Variants in PPM1J observed in about 807,000 individuals in gnomAD.
PPM1J encodes the protein protein phosphatase 1J.
A neutral mutation model predicts 53.3 loss-of-function variants in PPM1J; 43 were observed. That is an observed-to-expected ratio of 0.81 (90% CI 0.63 to 1.04). PPM1J has a LOEUF of 1.04. Ranked by LOEUF, PPM1J falls within the 50% of genes least tolerant of loss-of-function variation. The pLI is 0.00. For missense variants in PPM1J, 635 were observed against 685.9 expected (o/e 0.93, Z 0.83); for synonymous variants, 267 against 286.4 (o/e 0.93, Z 0.68).
chr1:112,714,997 G>A lies in PPM1J; in HGVS notation c.305C>T (p.Pro102Leu), dbSNP rs760958860. 4 of 1,454,678 alleles carry A rather than the reference G, an allele frequency of 2.7e-6. No individual in the cohort carries two copies. The highest frequency in any genetic ancestry group is 3.6e-6 in the Non-Finnish European group (4 of 1,110,440). 90.1% of individuals were successfully genotyped at this position (1,454,678 alleles called of 1,614,324 possible). Residue 102 changes from proline to leucine, a missense_variant, in exon 1 of 10, where the codon CCC becomes CTC. Transcript: ENST00000309276. Reference protein sequence around the residue: ...QSPPDTGRRLPWSTGYAEVIN... With the variant: ...QSPPDTGRRLLWSTGYAEVIN... Reference sequence around the variant, plus strand: ...TCACTCGGCGTAGCCTGTGCTCCAGGGCAGGCGGCGGCCCGTGTCCGGGGG... The same window carrying A: ...TCACTCGGCGTAGCCTGTGCTCCAGAGCAGGCGGCGGCCCGTGTCCGGGGG...
intron 1 of PPM1J, chr1:112,714,718 G>A: frequency 1.6e-6 from 2 of 1,245,534 alleles, no homozygotes; most frequent in East Asian, 3.2e-5. Flanking sequence ...CTCTGGGGCA[G>A]AACAGGGTCC....
chr1:112,710,270 C>G lies in PPM1J; in HGVS notation c.1411G>C (p.Gly471Arg). Residue 471 changes from glycine (G) to arginine (R), a missense_variant, in exon 10 of 10, where the codon GGT (glycine) becomes CGT (arginine). Coordinates refer to ENST00000309276, the MANE Select transcript of PPM1J (RefSeq NM_005167.7). The stretch of plus-strand genomic sequence containing the variant: ...CGCCAGCCACGGTCTCGGGGGGTAC[C>G]CCGGGCCCCCAGGACCAGAGCTTGG... Reference protein sequence around the residue: ...LAQALVLGARGTPRDRGWRLP... With the variant: ...LAQALVLGARRTPRDRGWRLP... 1 of 1,605,776 alleles carries G rather than the reference C, an allele frequency of 6.2e-7. No homozygotes were observed. Among genetic ancestry groups the G allele is most frequent in the Non-Finnish European group, 8.5e-7 (1 of 1,177,974 alleles).
chr1:112,712,494 A>G, intron 3 of PPM1J, 37 bp from the exon 4 acceptor site: 1 of 1,570,208 alleles, frequency 6.4e-7, no homozygotes. Flanking sequence ...GGGTAGAAGG[A>G]GAGGTTCCAG....
At position 112,710,246 on chromosome 1, in the gene PPM1J, G is replaced by T. The variant is rs148123745; in HGVS notation, c.1435C>A (p.Arg479Ser). 6.3e-7 allele frequency: 1 copy of T among 1,594,130 alleles called. No individual in the cohort carries two copies. The highest frequency in any genetic ancestry group is 8.5e-7 in the Non-Finnish European group (1 of 1,175,016). The change falls in exon 10 of 10, where the codon CGT becomes AGT. Residue 479 changes from arginine to serine, a missense_variant. Coordinates refer to ENST00000309276, the MANE Select transcript of PPM1J (RefSeq NM_005167.7). The part of the protein sequence containing the change: ...ARGTPRDRGW[R>S]LPNNKLGSGD... ...GAACCCAGCTTGTTGTTGGGGAGAC[G>T]CCAGCCACGGTCTCGGGGGGTACCC...
Position 112,715,280 on chromosome 1 carries a change from C to T in PPM1J, c.22G>A (p.Ala8Thr). Residue 8 changes from alanine to threonine, a missense_variant, in exon 1 of 10, where the codon GCC (alanine) becomes ACC (threonine). By Grantham distance (58) the Ala-to-Thr change is moderately conservative (BLOSUM62 0). Transcript: ENST00000309276. The surrounding 1 kb of genome is among the most constrained non-coding windows in gnomAD (Gnocchi z 4.4). Reference sequence around the variant, plus strand: ...CCGGAGCTCACCAGGTGCGCCACGGCCGAGCGCACCCGGTTTAGCATGCTG... The same window carrying T: ...CCGGAGCTCACCAGGTGCGCCACGGTCGAGCGCACCCGGTTTAGCATGCTG... MLNRVRS[A>T]VAHLVSSGGA... is the part of the protein sequence containing the mutation. 1.5e-6 allele frequency: 2 copies of T among 1,316,108 alleles called. No homozygotes were observed. The highest frequency in any genetic ancestry group is 1.9e-6 in the Non-Finnish European group (2 of 1,036,318). 81.5% of individuals were successfully genotyped at this position (1,316,108 alleles called of 1,614,324 possible).
Position 112,715,247 on chromosome 1 carries a change from G to C in PPM1J, c.55C>G (p.Pro19Ala), listed in dbSNP as rs757231106. The change falls in exon 1 of 10, where the codon CCG (proline) becomes GCG (alanine). Residue 19 changes from proline to alanine, a missense_variant. Transcript: ENST00000309276. This position sits in a 1 kb window ranked among gnomAD's most constrained non-coding sequence, Gnocchi z 4.4. Reference protein sequence around the residue: ...VAHLVSSGGAPPPRPKSPDLP... With the variant: ...VAHLVSSGGAAPPRPKSPDLP... ...TCCGGGGATTTGGGGCGCGGAGGCG[G>C]AGCGCCCCCGGAGCTCACCAGGTGC... is the stretch of plus-strand genomic sequence containing the variant. 7 of 1,372,264 alleles carry C rather than the reference G, an allele frequency of 5.1e-6. No homozygotes were observed. Among genetic ancestry groups the C allele is most frequent in the East Asian group, 3.0e-5 (1 of 33,130 alleles). 85.0% of individuals were successfully genotyped at this position (1,372,264 alleles called of 1,614,324 possible).
rs75264801 is a variant in PPM1J at position 112,714,231 on chromosome 1, G to T, written c.327-620C>A. 1.6e-3 allele frequency: 1,582 copies of T among 986,732 alleles called. 20 individuals carry two copies. In the African/African-American group the frequency reaches 0.025, roughly 16 times the overall value. The allele number at this position is 986,732 out of a possible 1,614,324, so 61.1% of individuals were successfully genotyped here. A position where few individuals can be genotyped will look rare whatever the true frequency, so the allele number is the denominator to read the frequency against. ...ACACAGGAGGCTAAGGGAGGTGGTG[G>T]TGGGTCCATGGGCCACCAGCCACCT... On this transcript the variant is annotated intron_variant, in intron 1 of 9. Coordinates refer to ENST00000309276, the MANE Select transcript of PPM1J (RefSeq NM_005167.7).
rs1478126915 is a variant in PPM1J at position 112,710,198 on chromosome 1, C to T, written c.1483G>A (p.Val495Ile). ...LGSGDDISVF[V>I]IPLGGPGSYS is the part of the protein sequence containing the mutation. The stretch of plus-strand genomic sequence containing the variant: ...CTGCCTGGCCCTCCCAGGGGGATGA[C>T]GAAGACAGAGATGTCATCCCCGGAA... Residue 495 changes from valine (V) to isoleucine (I), a missense_variant, in exon 10 of 10, where the codon GTC (valine) becomes ATC (isoleucine). Coordinates refer to ENST00000309276, the MANE Select transcript of PPM1J (RefSeq NM_005167.7). 4 of 1,578,364 alleles carry T rather than the reference C, an allele frequency of 2.5e-6. No homozygotes were observed. The highest frequency in any genetic ancestry group is 2.2e-5 in the East Asian group (1 of 44,498).
rs969071214 is a variant in PPM1J, at chr1:112,713,613, T to C, written c.327-2A>G. 6.2e-7 allele frequency: 1 copy of C among 1,612,740 alleles called. No homozygotes were observed. The highest frequency in any genetic ancestry group is 2.2e-5 in the East Asian group (1 of 44,876). On this transcript the variant is annotated splice_acceptor_variant, in intron 1 of 9. Transcript: ENST00000309276. LOFTEE classifies it high-confidence loss of function. ...CGACTCTTGCCAGCATTGATGACCCTGCCAGGCCAGAATGACCACATCAGG... is the reference window on the plus strand; with the variant it reads ...CGACTCTTGCCAGCATTGATGACCCCGCCAGGCCAGAATGACCACATCAGG...
rs1432695691 is a variant in PPM1J at position 112,712,853 on chromosome 1, G to A, written c.620C>T (p.Ser207Phe). Reference protein sequence around the residue: ...CLPTTPGTPDSSDPSHLLGPQ... With the variant: ...CLPTTPGTPDFSDPSHLLGPQ... ...GCCAAGCAAGTGAGAGGGATCGGAG[G>A]AATCTGGGGTCCCCGGAGTGGTTGG... The change falls in exon 3 of 10, where the codon TCC becomes TTC. Residue 207 changes from serine (S) to phenylalanine (F), a missense_variant. Coordinates refer to ENST00000309276, the MANE Select transcript of PPM1J (RefSeq NM_005167.7). 4 of 1,613,940 alleles carry A rather than the reference G, an allele frequency of 2.5e-6. No individual in the cohort carries two copies. In the South Asian group the frequency reaches 4.4e-5, roughly 18 times the overall value.
chr1:112,713,673 C>T (rs1433205358), intron 1 of PPM1J, 62 bp from the exon 2 acceptor site: 6 of 1,302,038 alleles, frequency 4.6e-6, no homozygotes, highest in Non-Finnish European at 5.6e-6. Context: ...ATAACCCCCA[C>T]CTTAGACACA....
Position 112,711,062 on chromosome 1 carries a change from T to G in PPM1J, c.1056A>C (p.Lys352Asn). The change falls in exon 7 of 10, where the codon AAA becomes AAC. Residue 352 changes from lysine (K) to asparagine (N), a missense_variant. Coordinates refer to ENST00000309276, the MANE Select transcript of PPM1J (RefSeq NM_005167.7). ...ACCTGAGATCCTCCAGCTCGATCTT[T>G]TTGTAGGCCCTGGGGAGGGGGGAGT... ...RDQNMTGWAY[K>N]KIELEDLRFP... is the part of the protein sequence containing the mutation. The G allele has an allele frequency of 6.2e-7, 1 of 1,614,040 alleles. No homozygotes were observed. Among genetic ancestry groups the G allele is most frequent in the Non-Finnish European group, 8.5e-7 (1 of 1,179,950 alleles).
At chr1:112,713,069 T>TGC in intron 2 of PPM1J, 38 bp from the exon 3 acceptor site, 1 of 1,245,534 alleles carries the variant, frequency 8.0e-7, no homozygotes, top group Non-Finnish European at 1.1e-6. Flanking sequence ...TTTGTTTGTG[T>TGC]GTGTGTGTGT....
chr1:112,713,470 G>A (rs764732400), intron 2 of PPM1J, 27 bp downstream of exon 2: 2 of 1,520,444 alleles, frequency 1.3e-6, no homozygotes, highest in Non-Finnish European at 9.1e-7. Flanking sequence ...GTGTCACTGT[G>A]TCTCTGGGAA....
In PPM1J at chr1:112,712,926, C is replaced by T. The variant is rs1570842681; in HGVS notation, c.547G>A (p.Asp183Asn). Residue 183 changes from aspartate (D) to asparagine (N), a missense_variant, in exon 3 of 10, where the codon GAC (aspartate) becomes AAC (asparagine). Coordinates refer to ENST00000309276, the MANE Select transcript of PPM1J (RefSeq NM_005167.7). ...LHRHIREQLK[D>N]LVEILQDPSP... Reference sequence around the variant, plus strand: ...GGGTCCTGAAGTATCTCTACCAGGTCCTTTAGCTGCTCTCGGATATGGCGA... The same window carrying T: ...GGGTCCTGAAGTATCTCTACCAGGTTCTTTAGCTGCTCTCGGATATGGCGA... 2.0e-5 allele frequency: 32 copies of T among 1,614,000 alleles called. No homozygotes were observed. In the East Asian group the frequency reaches 6.9e-4, roughly 35 times the overall value.
chr1:112,712,693 GTT>G, intron 3 of PPM1J, 49 bp downstream of exon 3: 4 of 1,550,728 alleles, frequency 2.6e-6, no homozygotes, highest in Non-Finnish European at 3.5e-6. Flanking sequence ...TCCACACAGA[GTT>G]GGCCAGAGTG....
chr1:112,712,492 GGA>G (rs751682915), intron 3 of PPM1J, 35 bp from the exon 4 acceptor site: 23 of 1,578,330 alleles, frequency 1.5e-5, no homozygotes, highest in African/African-American at 2.7e-5. Context: ...GTGGGTAGAA[GGA>G]GAGGTTCCAG....
chr1:112,711,260 T>C lies in PPM1J; in HGVS notation c.1046+6A>G. 6.9e-6 allele frequency: 11 copies of C among 1,602,230 alleles called. No homozygotes were observed. The highest frequency in any genetic ancestry group is 9.4e-6 in the Non-Finnish European group (11 of 1,170,422). ...GAACGGGCCCCAGCTCTGAGGGAAGTGTTACCAGCCGGTCATGTTCTGGTC... is the reference window on the plus strand; with the variant it reads ...GAACGGGCCCCAGCTCTGAGGGAAGCGTTACCAGCCGGTCATGTTCTGGTC... On this transcript the variant is annotated splice_donor_region_variant and intron_variant, in intron 6 of 9. Transcript: ENST00000309276.
At chr1:112,714,700 C>T (rs1675154781) in intron 1 of PPM1J, 10 of 1,223,440 alleles carry the variant, frequency 8.2e-6, no homozygotes, top group Non-Finnish European at 9.2e-6. Context: ...GGCTCTCCGC[C>T]CTCCGGGCTC....
Sources: gnomAD v4.1 joint callset for allele counts on GRCh38, gnomAD v4.1.1 for gene constraint, Gnocchi (gnomAD v3.1) non-coding constraint, MANE v1.5 for transcripts, NCBI Gene and HGNC (gene_info 2026-07-23, HGNC 2026-07-21) for gene names.